Variants in PCDH7 observed in about 807,000 individuals in gnomAD.
PCDH7 encodes protocadherin 7.
In PCDH7, 17 loss-of-function variants were observed where a neutral mutation model predicts 58.9. That is an observed-to-expected ratio of 0.29 (90% CI 0.20 to 0.43). The LOEUF (loss-of-function observed/expected upper bound fraction) is 0.43. Among genes scored for constraint, PCDH7 ranks in the 20% least tolerant of loss-of-function variants. The pLI is 1.00. For synonymous variants in PCDH7, 664 were observed against 616.4 expected (o/e 1.08, Z -1.14); for missense variants, 1,274 against 1,441.0 (o/e 0.88, Z 1.88).
chr4:30,847,438 C>G (rs1206911365), intron 1 of PCDH7, among the ~76,000 whole-genome samples: 1 of 152,168 alleles, frequency 6.6e-6, no homozygotes, highest in East Asian at 1.9e-4. Context: ...ACTCACCCAG[C>G]TGTCCTGTGA....
intron 1 of PCDH7, among the ~76,000 whole-genome samples, chr4:30,798,643 A>G (rs1725111982): frequency 6.6e-6 from 1 of 152,208 alleles, no homozygotes; most frequent in Admixed American, 6.5e-5. Context: ...AAATTTTTAA[A>G]AATTACTTTG....
chr4:31,118,006 T>C (rs1717208202), intron 3 of PCDH7, among the ~76,000 whole-genome samples: 1 of 152,216 alleles, frequency 6.6e-6, no homozygotes, highest in Non-Finnish European at 1.5e-5. Flanking sequence ...CTAACATGGA[T>C]TAAAGTTACT....
rs926223752 is a variant in PCDH7, at chr4:30,720,657, C to T, written c.-766C>T. On this transcript the variant is annotated 5_prime_UTR_variant, in exon 1 of 2. Coordinates refer to ENST00000361762, the Ensembl canonical transcript of PCDH7. The surrounding 1 kb of genome is among the most constrained non-coding windows in gnomAD (Gnocchi z 4.7). ...TGGCTCGGGCTTCTCTTTGGCGCGCCGGGGGGACCCTGACACTGACCGCTC... is the reference window on the plus strand; with the variant it reads ...TGGCTCGGGCTTCTCTTTGGCGCGCTGGGGGGACCCTGACACTGACCGCTC... The T allele has an allele frequency of 2.0e-5, 3 of 152,652 alleles. 1 individual carries two copies. The highest frequency in any genetic ancestry group is 7.2e-5 in the African/African-American group (3 of 41,450). The allele number at this position is 152,652 out of a possible 1,614,324, so 9.5% of individuals were successfully genotyped here. A position where few individuals can be genotyped will look rare whatever the true frequency, so the allele number is the denominator to read the frequency against.
intron 3 of PCDH7, among the ~76,000 whole-genome samples, chr4:31,106,958 A>C (rs1715650509): frequency 6.6e-6 from 1 of 152,184 alleles, no homozygotes; most frequent in South Asian, 2.1e-4. Flanking sequence ...TTACGCTCTT[A>C]ACTTCTCTAT....
intron 3 of PCDH7, among the ~76,000 whole-genome samples, chr4:31,088,880 C>A (rs1712843420): frequency 6.6e-6 from 1 of 151,862 alleles, no homozygotes; most frequent in African/African-American, 2.4e-5. Context: ...TAAATGTTTT[C>A]AATAATAATG....
At chr4:31,069,108 A>T (rs1758331697) in intron 3 of PCDH7, among the ~76,000 whole-genome samples, 1 of 151,924 alleles carries the variant, frequency 6.6e-6, no homozygotes, top group South Asian at 2.1e-4. Context: ...TAAATGCCAA[A>T]CTGATAGACT....
intron 1 of PCDH7, among the ~76,000 whole-genome samples, chr4:30,890,300 A>C (rs2109382465): frequency 6.6e-6 from 1 of 152,208 alleles, no homozygotes; most frequent in Non-Finnish European, 1.5e-5. Context: ...ATACTCACTT[A>C]ATTTGAAGGA....
intron 1 of PCDH7, among the ~76,000 whole-genome samples, chr4:30,836,448 TA>T (rs1438303195): frequency 6.6e-6 from 1 of 152,144 alleles, no homozygotes; most frequent in African/African-American, 2.4e-5. Flanking sequence ...TAGTTTAAAA[TA>T]AAGCAGTGTG....
intron 3 of PCDH7, among the ~76,000 whole-genome samples, chr4:30,999,023 G>T (rs1209553133): frequency 1.3e-5 from 2 of 152,110 alleles, no homozygotes; most frequent in African/African-American, 4.8e-5. Flanking sequence ...TACAGTGAAG[G>T]TACCTGGATA....
At chr4:31,101,069 G>T (rs1450434013) in intron 3 of PCDH7, among the ~76,000 whole-genome samples, 2 of 152,002 alleles carry the variant, frequency 1.3e-5, no homozygotes, top group African/African-American at 2.4e-5. Flanking sequence ...ATTTTCCCAA[G>T]CTGCTTCTCT....
At chr4:31,075,198 T>A (rs568760963) in intron 3 of PCDH7, among the ~76,000 whole-genome samples, 1 of 152,296 alleles carries the variant, frequency 6.6e-6, no homozygotes, top group Non-Finnish European at 1.5e-5. Flanking sequence ...TTTACTTATC[T>A]CTGTTCTATA....
chr4:30,728,273 A>G, intron 1 of PCDH7, among the ~76,000 whole-genome samples: 1 of 103,446 alleles, frequency 9.7e-6, no homozygotes, highest in Non-Finnish European at 1.9e-5. Context: ...GTATACATAC[A>G]TATGTATATA....
chr4:30,830,861 A>T (rs903935017), intron 1 of PCDH7, among the ~76,000 whole-genome samples: 1 of 152,004 alleles, frequency 6.6e-6, no homozygotes, highest in Non-Finnish European at 1.5e-5. Flanking sequence ...TACTACTCCA[A>T]TTCTCATTTC....
chr4:30,965,561 T>C (rs1748921112), intron 3 of PCDH7, among the ~76,000 whole-genome samples: 1 of 152,066 alleles, frequency 6.6e-6, no homozygotes, highest in South Asian at 2.1e-4. Context: ...CTTACACCAA[T>C]CAAGCAAAGC....
intron 1 of PCDH7, among the ~76,000 whole-genome samples, chr4:30,757,439 T>C (rs1319427325): frequency 6.6e-6 from 1 of 152,208 alleles, no homozygotes; most frequent in Middle Eastern, 3.2e-3. Flanking sequence ...TTTCTGACTT[T>C]CCTCGCAGGC....
chr4:30,807,864 G>T (rs1342092207), intron 1 of PCDH7, among the ~76,000 whole-genome samples: 1 of 152,166 alleles, frequency 6.6e-6, no homozygotes, highest in East Asian at 1.9e-4. Flanking sequence ...TCTAAACTGA[G>T]ATGCTTAATT....
chr4:31,048,622 G>T (rs2109216281), intron 3 of PCDH7, among the ~76,000 whole-genome samples: 1 of 152,022 alleles, frequency 6.6e-6, no homozygotes, highest in South Asian at 2.1e-4. Context: ...AAAGTCCTTG[G>T]AAGCCTCAAG....
chr4:30,755,221 T>A (rs1303164232), intron 1 of PCDH7, among the ~76,000 whole-genome samples: 1 of 152,228 alleles, frequency 6.6e-6, no homozygotes, highest in Non-Finnish European at 1.5e-5. Flanking sequence ...TGCTTGATCT[T>A]AGAAATTTAA....
intron 2 of PCDH7, among the ~76,000 whole-genome samples, chr4:30,929,683 C>A (rs1039253066): frequency 1.3e-5 from 2 of 152,130 alleles, no homozygotes; most frequent in Admixed American, 1.3e-4. Context: ...TTCATTTCTG[C>A]TTGAAAATAT....
Sources: gnomAD v4.1 joint callset for allele counts (sites outside exome capture counted in the v4.1 genomes callset) on GRCh38, gnomAD v4.1.1 for gene constraint, Gnocchi (gnomAD v3.1) non-coding constraint, MANE v1.5 for transcripts, NCBI Gene and HGNC (gene_info 2026-07-23, HGNC 2026-07-21) for gene names.